The following IMMP2L variants were observed in gnomAD, a reference collection of about 807,000 sequenced individuals.
The protein encoded by IMMP2L is mitochondrial inner membrane protease subunit 2.
In IMMP2L, 18 loss-of-function variants were observed where a neutral mutation model predicts 19.3. That is an observed-to-expected ratio of 0.93 (90% CI 0.64 to 1.38). IMMP2L has a LOEUF of 1.38. Ranked by LOEUF, IMMP2L falls within the 40% of genes most tolerant of loss-of-function variation. IMMP2L has a pLI of 0.00. For synonymous variants in IMMP2L, 76 were observed against 73.0 expected (o/e 1.04, Z -0.21); for missense variants, 233 against 218.2 (o/e 1.07, Z -0.43).
chr7:111,399,399 T>C (rs529798942), intron 3 of IMMP2L, among the ~76,000 whole-genome samples: 8 of 152,116 alleles, frequency 5.3e-5, no homozygotes, highest in Non-Finnish European at 1.0e-4. Flanking sequence ...TCTCTTTCTG[T>C]TGCCCAGGCT....
chr7:111,111,664 C>A (rs920939104), intron 3 of IMMP2L, among the ~76,000 whole-genome samples: 4 of 151,916 alleles, frequency 2.6e-5, no homozygotes, highest in African/African-American at 4.8e-5. Flanking sequence ...AATGTCCCCC[C>A]CTGCGTCAAT....
chr7:111,272,964 C>T (rs1049653969), intron 3 of IMMP2L, among the ~76,000 whole-genome samples: 1 of 152,006 alleles, frequency 6.6e-6, no homozygotes, highest in Admixed American at 6.6e-5. Flanking sequence ...AAGAACATTA[C>T]AAATGGAAGA....
At chr7:110,761,517 A>G (rs1798348013) in intron 5 of IMMP2L, among the ~76,000 whole-genome samples, 1 of 152,172 alleles carries the variant, frequency 6.6e-6, no homozygotes. Context: ...GGAAGGATTC[A>G]CAGTGTCATA....
At chr7:111,081,398 G>A (rs896428490) in intron 3 of IMMP2L, among the ~76,000 whole-genome samples, 1 of 152,158 alleles carries the variant, frequency 6.6e-6, no homozygotes. Context: ...ATCCATGAAA[G>A]AAATAAACTT....
intron 5 of IMMP2L, among the ~76,000 whole-genome samples, chr7:110,769,666 T>C (rs1285122408): frequency 6.6e-6 from 1 of 152,050 alleles, no homozygotes; most frequent in East Asian, 1.9e-4. Flanking sequence ...TCCATGCTAT[T>C]CTGATCACCA....
intron 3 of IMMP2L, among the ~76,000 whole-genome samples, chr7:111,206,258 C>CCT (rs1469299735): frequency 6.6e-6 from 1 of 152,134 alleles, no homozygotes; most frequent in Non-Finnish European, 1.5e-5. Flanking sequence ...AAGCTTATTT[C>CCT]CTCTCCATCC....
intron 5 of IMMP2L, among the ~76,000 whole-genome samples, chr7:110,671,748 C>A (rs1374170553): frequency 1.3e-5 from 2 of 152,072 alleles, no homozygotes; most frequent in Admixed American, 1.3e-4. Context: ...GTAGTTTCAC[C>A]CTCTCTTGAG....
At chr7:110,715,179 G>C (rs1795158211) in intron 5 of IMMP2L, among the ~76,000 whole-genome samples, 1 of 151,950 alleles carries the variant, frequency 6.6e-6, no homozygotes, top group African/African-American at 2.4e-5. Flanking sequence ...TGTTAATTTA[G>C]CTAACAGTGT....
At chr7:111,037,276 T>G (rs1243191709) in intron 3 of IMMP2L, among the ~76,000 whole-genome samples, 1 of 152,156 alleles carries the variant, frequency 6.6e-6, no homozygotes, top group East Asian at 1.9e-4. Context: ...TCTAAAGGTT[T>G]TCAAGGCAGC....
chr7:110,937,436 T>C (rs1816244493), intron 4 of IMMP2L, among the ~76,000 whole-genome samples: 1 of 152,074 alleles, frequency 6.6e-6, no homozygotes, highest in Non-Finnish European at 1.5e-5. Context: ...TGACTCCAGT[T>C]CAAAGAGCTT....
At chr7:111,181,059 T>G (rs773730548) in intron 3 of IMMP2L, among the ~76,000 whole-genome samples, 1 of 152,030 alleles carries the variant, frequency 6.6e-6, no homozygotes, top group Non-Finnish European at 1.5e-5. Flanking sequence ...ATTATTACAT[T>G]ATTATCACAA....
chr7:111,055,888 C>T (rs1311912995), intron 3 of IMMP2L, among the ~76,000 whole-genome samples: 2 of 152,138 alleles, frequency 1.3e-5, no homozygotes, highest in Non-Finnish European at 2.9e-5. Context: ...CGCACCATGC[C>T]AATACCAGAA....
intron 3 of IMMP2L, among the ~76,000 whole-genome samples, chr7:111,205,975 T>C (rs1478454516): frequency 6.6e-6 from 1 of 152,196 alleles, no homozygotes; most frequent in Admixed American, 6.5e-5. Flanking sequence ...TCACTTTAAG[T>C]AGAGGACCGC....
At position 111,427,760 on chromosome 7, in the gene IMMP2L, C is replaced by T. The variant is rs762037044; in HGVS notation, c.239+59478G>A. ...AAAAATTAAGCACTCTTAATATTTA[C>T]GACAGTATTAAATTATAAATCTAGC... is the stretch of plus-strand genomic sequence containing the variant. On this transcript the variant is annotated intron_variant, in intron 3 of 5. Transcript: ENST00000405709. Among the ~76,000 whole-genome samples the T allele has an allele frequency of 2.0e-5, 3 of 151,552 alleles. No individual in the cohort carries two copies. In the South Asian group the frequency reaches 6.2e-4, roughly 31 times the overall value.
intron 3 of IMMP2L, among the ~76,000 whole-genome samples, chr7:111,114,695 G>T (rs527999426): frequency 7.0e-6 from 1 of 142,158 alleles, no homozygotes; most frequent in Non-Finnish European, 1.5e-5. Flanking sequence ...AGCCGAGATC[G>T]CACCACTGCC....
chr7:111,217,710 A>G (rs1255477185), intron 3 of IMMP2L, among the ~76,000 whole-genome samples: 1 of 152,166 alleles, frequency 6.6e-6, no homozygotes, highest in African/African-American at 2.4e-5. Context: ...GCAAATTACA[A>G]TAGTTTCAGG....
chr7:111,083,603 A>G (rs1226796670), intron 3 of IMMP2L, among the ~76,000 whole-genome samples: 1 of 152,212 alleles, frequency 6.6e-6, no homozygotes, highest in Non-Finnish European at 1.5e-5. Context: ...CTTGCATTCT[A>G]GCTTTCCTTC....
At chr7:111,428,073 T>C (rs1170838086) in intron 3 of IMMP2L, among the ~76,000 whole-genome samples, 1 of 151,892 alleles carries the variant, frequency 6.6e-6, no homozygotes, top group Non-Finnish European at 1.5e-5. Context: ...GTACACCTCA[T>C]TGGCTCAGTC....
chr7:111,446,685 C>A (rs555933064), intron 3 of IMMP2L, among the ~76,000 whole-genome samples: 99 of 152,284 alleles, frequency 6.5e-4, no homozygotes, highest in Non-Finnish European at 4.0e-4. Context: ...TCCTCACCAG[C>A]AACGGAACAA....
Sources: gnomAD v4.1 joint callset for allele counts (sites outside exome capture counted in the v4.1 genomes callset) on GRCh38, gnomAD v4.1.1 for gene constraint, MANE v1.5 for transcripts, NCBI Gene and HGNC (gene_info 2026-07-23, HGNC 2026-07-21) for gene names.